The following SLC35F4 variants were observed in gnomAD, a reference collection of about 807,000 sequenced individuals.
SLC35F4 encodes solute carrier family 35 member F4.
A neutral mutation model predicts 44.2 loss-of-function variants in SLC35F4; 24 were observed. The observed-to-expected ratio is 0.54, with a 90% CI of 0.39 to 0.76. The LOEUF (loss-of-function observed/expected upper bound fraction) is 0.76, where lower values mean the gene tolerates loss of function less well. SLC35F4 is among the 30% of genes least tolerant of loss of function. The pLI is 0.00. For synonymous variants in SLC35F4, 238 were observed against 223.6 expected (o/e 1.06, Z -0.57); for missense variants, 562 against 586.1 (o/e 0.96, Z 0.42).
At chr14:57,743,907 A>G (rs1391266292) in intron 1 of SLC35F4, among the ~76,000 whole-genome samples, 1 of 152,216 alleles carries the variant, frequency 6.6e-6, no homozygotes, top group Non-Finnish European at 1.5e-5. Context: ...CCTGGGATGC[A>G]AGCCTCGTTC....
intron 1 of SLC35F4, among the ~76,000 whole-genome samples, chr14:57,834,478 T>C (rs183131878): frequency 4.2e-4 from 64 of 152,266 alleles, no homozygotes; most frequent in African/African-American, 1.5e-3. Flanking sequence ...TAGTTTGAAA[T>C]ACAAAGAAAA....
chr14:57,848,092 G>A (rs1006825327), intron 1 of SLC35F4, among the ~76,000 whole-genome samples: 1 of 152,180 alleles, frequency 6.6e-6, no homozygotes, highest in Non-Finnish European at 1.5e-5. Flanking sequence ...AACCTAAATT[G>A]AGGGTAGAGA....
intron 1 of SLC35F4, among the ~76,000 whole-genome samples, chr14:57,805,714 C>A (rs1218835182): frequency 1.3e-5 from 2 of 152,156 alleles, no homozygotes; most frequent in Non-Finnish European, 2.9e-5. Context: ...TGCAGCAAAC[C>A]ACCATGGCAC....
intron 1 of SLC35F4, among the ~76,000 whole-genome samples, chr14:57,910,139 ATC>A (rs1889188222): frequency 6.6e-6 from 1 of 151,820 alleles, no homozygotes; most frequent in Non-Finnish European, 1.5e-5. Flanking sequence ...TATTTTTTTT[ATC>A]AGATTCTTCA....
intron 1 of SLC35F4, among the ~76,000 whole-genome samples, chr14:57,888,876 CAT>C (rs1256914482): frequency 2.6e-5 from 4 of 152,168 alleles, no homozygotes; most frequent in Non-Finnish European, 2.9e-5. Context: ...CATATTATGA[CAT>C]ATTGAAAATA....
intron 1 of SLC35F4, among the ~76,000 whole-genome samples, chr14:57,892,288 T>C (rs572255910): frequency 1.6e-4 from 24 of 152,278 alleles, no homozygotes; most frequent in African/African-American, 5.8e-4. Context: ...GGACTTCTGA[T>C]CTTGTGAAGA....
At chr14:57,775,290 G>A (rs1286735904) in intron 1 of SLC35F4, among the ~76,000 whole-genome samples, 1 of 152,208 alleles carries the variant, frequency 6.6e-6, no homozygotes, top group African/African-American at 2.4e-5. Flanking sequence ...GCCGATAAGT[G>A]TGCACCTCAC....
intron 2 of SLC35F4, among the ~76,000 whole-genome samples, chr14:57,589,803 C>T (rs1237820661): frequency 6.6e-6 from 1 of 152,206 alleles, no homozygotes; most frequent in Non-Finnish European, 1.5e-5. Context: ...AAGAGCATTA[C>T]ACATCCCAGC....
intron 1 of SLC35F4, among the ~76,000 whole-genome samples, chr14:57,594,827 G>A (rs57388377): frequency 0.037 from 5,553 of 152,014 alleles, 361 homozygotes; most frequent in African/African-American, 0.13. Context: ...GCCTCTATCC[G>A]GTGTTACAGA....
chr14:57,857,646 T>C (rs1019948043), intron 1 of SLC35F4, among the ~76,000 whole-genome samples: 1 of 152,044 alleles, frequency 6.6e-6, no homozygotes, highest in Non-Finnish European at 1.5e-5. Context: ...CCAAGCTCTA[T>C]GGGTGAGATA....
chr14:57,776,429 G>A (rs1014796089), intron 1 of SLC35F4, among the ~76,000 whole-genome samples: 15 of 152,066 alleles, frequency 9.9e-5, no homozygotes, highest in African/African-American at 3.4e-4. Context: ...CAGCACTTTG[G>A]GAGGCCACGG....
intron 1 of SLC35F4, among the ~76,000 whole-genome samples, chr14:57,939,846 T>C (rs1219306960): frequency 6.6e-6 from 1 of 152,228 alleles, no homozygotes; most frequent in Non-Finnish European, 1.5e-5. Flanking sequence ...TATATATAAA[T>C]ATTTTTTTAC....
intron 1 of SLC35F4, among the ~76,000 whole-genome samples, chr14:57,700,870 C>T (rs1331555020): frequency 1.3e-5 from 2 of 152,292 alleles, no homozygotes; most frequent in Non-Finnish European, 2.9e-5. Context: ...CACATCATCG[C>T]ACTTCAGCCT....
chr14:57,620,180 A>G (rs2072097144), intron 1 of SLC35F4, among the ~76,000 whole-genome samples: 1 of 152,202 alleles, frequency 6.6e-6, no homozygotes, highest in Admixed American at 6.5e-5. Flanking sequence ...CCAATTCAGG[A>G]AATACAGAGA....
chr14:57,630,716 C>T (rs1406126269), intron 1 of SLC35F4: 7 of 546,282 alleles, frequency 1.3e-5, no homozygotes, highest in East Asian at 3.5e-5. Context: ...CATTTTTAGG[C>T]GTGTGTCATT....
At chr14:57,775,236 T>C (rs1342956876) in intron 1 of SLC35F4, among the ~76,000 whole-genome samples, 2 of 152,184 alleles carry the variant, frequency 1.3e-5, no homozygotes, top group Non-Finnish European at 2.9e-5. Context: ...TGGGAACACC[T>C]GCATGGAGGC....
intron 1 of SLC35F4, among the ~76,000 whole-genome samples, chr14:57,688,355 T>C (rs1422301551): frequency 6.6e-6 from 1 of 152,198 alleles, no homozygotes; most frequent in Non-Finnish European, 1.5e-5. Flanking sequence ...GCTAAGAGCA[T>C]ATTAAGACCT....
chr14:57,753,066 G>A (rs992400912), intron 1 of SLC35F4, among the ~76,000 whole-genome samples: 5 of 152,184 alleles, frequency 3.3e-5, no homozygotes, highest in African/African-American at 9.7e-5. Context: ...GAGAACTGCC[G>A]GGGAGAGAAG....
intron 1 of SLC35F4, among the ~76,000 whole-genome samples, chr14:57,661,274 C>A (rs913220766): frequency 6.6e-6 from 1 of 152,034 alleles, no homozygotes; most frequent in African/African-American, 2.4e-5. Flanking sequence ...TATTACAGCC[C>A]GGGGACAGCA....
Sources: allele counts gnomAD v4.1 joint callset (sites outside exome capture counted in the v4.1 genomes callset), GRCh38; gene constraint gnomAD v4.1.1; transcripts MANE v1.5; gene names NCBI Gene and HGNC (gene_info 2026-07-23, HGNC 2026-07-21).